The following LRRN2 variants were observed in gnomAD, a reference collection of about 807,000 sequenced individuals.
The protein encoded by LRRN2 is leucine-rich repeat neuronal protein 2.
Under a neutral mutation model 35.7 loss-of-function variants are expected in LRRN2, and 10 were observed. The observed-to-expected ratio is 0.28, with a 90% CI of 0.17 to 0.47. The LOEUF (loss-of-function observed/expected upper bound fraction) is 0.47, where lower values mean the gene tolerates loss of function less well. Ranked by LOEUF, LRRN2 falls within the 20% of genes least tolerant of loss-of-function variation. The pLI is 0.99. For missense variants in LRRN2, 731 were observed against 940.3 expected, an observed-to-expected ratio of 0.78 and a Z score of 2.91; for synonymous variants, 391 against 409.6, an observed-to-expected ratio of 0.95 and a Z score of 0.55.
chr1:204,649,191 G>C (rs1029327487), intron 1 of LRRN2, among the ~76,000 whole-genome samples: 1 of 152,226 alleles, frequency 6.6e-6, no homozygotes, highest in Non-Finnish European at 1.5e-5. Context: ...CTGCAGCCAG[G>C]AGCTGCAGCT....
Position 204,654,906 on chromosome 1 carries a change from AC to A in LRRN2, c.-227+30413del, listed in dbSNP as rs934091077. Among the ~76,000 whole-genome samples the A allele has an allele frequency of 5.3e-5, 8 of 151,858 alleles. No homozygotes were observed. The East Asian group carries it at 9.7e-4, about 18-fold the overall frequency. On this transcript the variant is annotated intron_variant, in intron 1 of 1. Coordinates refer to ENST00000367177, the MANE Select transcript of LRRN2 (RefSeq NM_201630.2). Reference sequence around the variant, plus strand: ...ACAAATCAGGACTTCCCTTCTTGCCACCCCCCCAGCACAACACCCCTGCCAT... The same window carrying A: ...ACAAATCAGGACTTCCCTTCTTGCCACCCCCCAGCACAACACCCCTGCCAT...
intron 1 of LRRN2, among the ~76,000 whole-genome samples, chr1:204,666,177 C>A (rs1228985820): frequency 6.6e-6 from 1 of 152,226 alleles, no homozygotes; most frequent in African/African-American, 2.4e-5. Context: ...ATATTTACTG[C>A]CCCAATTTTC....
chr1:204,638,872 C>T (rs935720618), intron 1 of LRRN2, among the ~76,000 whole-genome samples: 1 of 152,222 alleles, frequency 6.6e-6, no homozygotes, highest in Non-Finnish European at 1.5e-5. Context: ...TGTTCATCTG[C>T]CTGGCTAGTG....
At position 204,618,176 on chromosome 1, in the gene LRRN2, G is replaced by C. The variant is rs1393154855; in HGVS notation, c.1817C>G (p.Thr606Ser). The C allele has an allele frequency of 6.2e-7, 1 of 1,614,158 alleles. No individual in the cohort carries two copies. Among genetic ancestry groups the C allele is most frequent in the South Asian group, 1.1e-5 (1 of 91,084 alleles). Residue 606 changes from threonine (T) to serine (S), a missense_variant, in exon 2 of 2, where the codon ACC (threonine) becomes AGC (serine). Around this residue, in one of 3 missense-constraint regions of LRRN2, gnomAD observed 229 missense variants for 258.4 expected, o/e 0.89. Coordinates refer to ENST00000367177, the MANE Select transcript of LRRN2 (RefSeq NM_201630.2). ...CCTGGCCCATACACAAGCCAACTGG[G>C]TGTGGGCATCAGCAAAGGCCACTTG... ...CLQVAFADAH[T>S]QLACVWARTK... is the part of the protein sequence containing the mutation.
chr1:204,671,403 TTG>T (rs60084787), intron 1 of LRRN2, among the ~76,000 whole-genome samples: 6,570 of 122,914 alleles, frequency 0.053, 511 homozygotes, highest in African/African-American at 0.18. Flanking sequence ...GTTTGTGTGT[TTG>T]TGTGTGTGTG....
intron 1 of LRRN2, among the ~76,000 whole-genome samples, chr1:204,641,349 A>T (rs973268517): frequency 6.6e-6 from 1 of 152,148 alleles, no homozygotes; most frequent in East Asian, 1.9e-4. Context: ...TGGCATGCGG[A>T]TTCCCAGTGC....
chr1:204,682,428 T>C (rs1668975530), intron 1 of LRRN2, among the ~76,000 whole-genome samples: 1 of 152,192 alleles, frequency 6.6e-6, no homozygotes, highest in African/African-American at 2.4e-5. Flanking sequence ...AGCCTTAGTA[T>C]AAGTGTACAA....
chr1:204,659,322 G>C (rs1326695420), intron 1 of LRRN2, among the ~76,000 whole-genome samples: 2 of 152,122 alleles, frequency 1.3e-5, no homozygotes, highest in African/African-American at 4.8e-5. Context: ...ATGGATTCTG[G>C]CTCTGGTAAT....
chr1:204,618,008 C>T lies in LRRN2; in HGVS notation c.1985G>A (p.Arg662Lys), dbSNP rs1666483721. Residue 662 changes from arginine (R) to lysine (K), a missense_variant, in exon 2 of 2, where the codon AGG becomes AAG. Transcript: ENST00000367177. ...TGQPRKGVGG[R>K]RPLPPAWAFW... ...AGCCCAGGCTGGAGGGAGAGGCCGCCTCCCACCCACACCCTTCCTGGGTTG... is the reference window on the plus strand; with the variant it reads ...AGCCCAGGCTGGAGGGAGAGGCCGCTTCCCACCCACACCCTTCCTGGGTTG... 1 of 1,612,818 alleles carries T rather than the reference C, an allele frequency of 6.2e-7. No individual in the cohort carries two copies. The highest frequency in any genetic ancestry group is 8.5e-7 in the Non-Finnish European group (1 of 1,179,444).
chr1:204,631,729 C>T (rs1667710270), intron 1 of LRRN2, among the ~76,000 whole-genome samples: 1 of 151,902 alleles, frequency 6.6e-6, no homozygotes, highest in Non-Finnish European at 1.5e-5. Context: ...GCTGGGAATC[C>T]ATAGGCCAGT....
At chr1:204,623,680 TTG>T (rs1667091805) in intron 1 of LRRN2, among the ~76,000 whole-genome samples, 1 of 152,226 alleles carries the variant, frequency 6.6e-6, no homozygotes, top group Non-Finnish European at 1.5e-5. Context: ...AGAAAGCTAA[TTG>T]TCTTTCATCT....
intron 1 of LRRN2, chr1:204,628,750 T>A (rs912020145): frequency 6.6e-6 from 1 of 152,174 alleles, no homozygotes; most frequent in African/African-American, 2.4e-5. Context: ...CTAGTTCTAG[T>A]CTTCCGGACA....
rs1230877155 is a variant in LRRN2 at position 204,629,844 on chromosome 1, T to C, written c.-226-9626A>G. On this transcript the variant is annotated intron_variant, in intron 1 of 1. Coordinates refer to ENST00000367177, the MANE Select transcript of LRRN2 (RefSeq NM_201630.2). ...CTGGAGGCCATCGTCCTAAGCAAAT[T>C]CACGTAGGAACAGAAAACCAAATAC... The C allele has an allele frequency of 2.0e-5, 3 of 152,410 alleles. No homozygotes were observed. The East Asian group carries it at 5.8e-4, about 29-fold the overall frequency. 9.4% of individuals were successfully genotyped at this position (152,410 alleles called of 1,614,324 possible).
intron 1 of LRRN2, among the ~76,000 whole-genome samples, chr1:204,623,414 G>A (rs1290763161): frequency 2.0e-5 from 3 of 152,294 alleles, no homozygotes; most frequent in Non-Finnish European, 2.9e-5. Context: ...GGCAGAGGTC[G>A]TGGCTCCTGG....
At chr1:204,657,174 G>A (rs1251953387) in intron 1 of LRRN2, among the ~76,000 whole-genome samples, 1 of 152,050 alleles carries the variant, frequency 6.6e-6, no homozygotes, top group Non-Finnish European at 1.5e-5. Flanking sequence ...GTGTGGTGGT[G>A]CAGACCTGTA....
intron 1 of LRRN2, chr1:204,664,736 C>T (rs1442233377): frequency 6.6e-6 from 1 of 152,226 alleles, no homozygotes; most frequent in East Asian, 1.9e-4. Context: ...CCTCGGGAAG[C>T]TCTTGATGGG....
intron 1 of LRRN2, among the ~76,000 whole-genome samples, chr1:204,672,479 G>C (rs1327647385): frequency 6.6e-6 from 1 of 152,170 alleles, no homozygotes; most frequent in African/African-American, 2.4e-5. Flanking sequence ...GTGTTTCTGT[G>C]CTATAATGTG....
At chr1:204,658,480 AC>A (rs1306951669) in intron 1 of LRRN2, among the ~76,000 whole-genome samples, 1 of 152,212 alleles carries the variant, frequency 6.6e-6, no homozygotes, top group Non-Finnish European at 1.5e-5. Flanking sequence ...TCATACTTGT[AC>A]CCATATCCCC....
intron 1 of LRRN2, among the ~76,000 whole-genome samples, chr1:204,658,022 G>A (rs565057000): frequency 7.5e-6 from 1 of 133,422 alleles, no homozygotes; most frequent in Non-Finnish European, 1.5e-5. Flanking sequence ...CTGTCGCCCA[G>A]GCTGGAGTGC....
Sources: allele counts gnomAD v4.1 joint callset (sites outside exome capture counted in the v4.1 genomes callset), GRCh38; gene constraint gnomAD v4.1.1; regional missense constraint gnomAD v4.1.1; transcripts MANE v1.5; gene names NCBI Gene and HGNC (gene_info 2026-07-23, HGNC 2026-07-21).